The following RAB7A variants were observed in gnomAD, a reference collection of about 807,000 sequenced individuals.
RAB7A encodes ras-related protein Rab-7a.
In RAB7A, 2 loss-of-function variants were observed where a neutral mutation model predicts 24.5. The ratio of observed to expected loss-of-function variants is 0.08; its 90% CI spans 0.03 to 0.26. The LOEUF is 0.26. RAB7A is among the 10% of genes least tolerant of loss of function. The pLI is 1.00. For missense variants in RAB7A, 118 were observed against 255.7 expected, an observed-to-expected ratio of 0.46 and a Z score of 3.67; for synonymous variants, 100 against 95.9, an observed-to-expected ratio of 1.04 and a Z score of -0.25.
intron 3 of RAB7A, among the ~76,000 whole-genome samples, chr3:128,804,114 G>GCCCCCCCCCCCC (rs200546571): frequency 1.4e-5 from 2 of 146,878 alleles, no homozygotes; most frequent in African/African-American, 5.2e-5. Flanking sequence ...ACCTCCCTGG[G>GCCCCCCCCCCCC]CCCCCCCCCG....
At chr3:128,785,185 C>G (rs1034027317) in intron 1 of RAB7A, 1 of 152,022 alleles carries the variant, frequency 6.6e-6, no homozygotes, top group Admixed American at 6.6e-5. Context: ...CCCAGCCACT[C>G]AGGAGGCTGA....
chr3:128,774,185 TAAA>T (rs34234745), intron 1 of RAB7A, among the ~76,000 whole-genome samples: 2 of 115,070 alleles, frequency 1.7e-5, no homozygotes, highest in African/African-American at 2.9e-5. Context: ...ATGTATTAAC[TAAA>T]AAAAAAAAAA....
Position 128,743,016 on chromosome 3 carries a change from C to T in RAB7A, c.-9+16657C>T, listed in dbSNP as rs529642200. Among the ~76,000 whole-genome samples the T allele has an allele frequency of 4.7e-4, 71 of 152,306 alleles. 1 individual carries two copies. In the South Asian group the frequency reaches 0.014, roughly 31 times the overall value. On this transcript the variant is annotated intron_variant, in intron 1 of 5. Coordinates refer to ENST00000265062, the MANE Select transcript of RAB7A (RefSeq NM_004637.6). ...GGGAGGCTCGGGCTTCACGGGAGCCCACCGCAGGAGGGCTCGGGCATGGCG... is the reference window on the plus strand; with the variant it reads ...GGGAGGCTCGGGCTTCACGGGAGCCTACCGCAGGAGGGCTCGGGCATGGCG...
At chr3:128,812,199 T>A (rs535018901) in intron 5 of RAB7A, among the ~76,000 whole-genome samples, 1 of 152,192 alleles carries the variant, frequency 6.6e-6, no homozygotes, top group Non-Finnish European at 1.5e-5. Flanking sequence ...ACTGCAACCT[T>A]GACCTCCCGG....
chr3:128,804,114 GC>G (rs200546571), intron 3 of RAB7A, among the ~76,000 whole-genome samples: 130 of 146,958 alleles, frequency 8.8e-4, no homozygotes, highest in Admixed American at 1.2e-3. Context: ...ACCTCCCTGG[GC>G]CCCCCCCCGC....
At chr3:128,774,952 T>C (rs144936229) in intron 1 of RAB7A, among the ~76,000 whole-genome samples, 134 of 152,282 alleles carry the variant, frequency 8.8e-4, no homozygotes, top group African/African-American at 3.1e-3. Context: ...GGCTAATTTT[T>C]GTATTTTTAG....
chr3:128,793,181 G>A (rs1295335264), intron 1 of RAB7A, among the ~76,000 whole-genome samples: 3 of 146,560 alleles, frequency 2.0e-5, no homozygotes, highest in South Asian at 2.2e-4. Context: ...ATGCCACCAC[G>A]CCCAGCTAAT....
In RAB7A at chr3:128,813,557, T is replaced by A. The variant is rs929951784; in HGVS notation, c.*135T>A. On this transcript the variant is annotated 3_prime_UTR_variant, in exon 6 of 6. Transcript: ENST00000265062. ...ATCCAGCTGCCAAAAGAAAACCCCA[T>A]CAAACACAGTTACACCCCACATATC... 1.3e-6 allele frequency: 1 copy of A among 774,012 alleles called. No individual in the cohort carries two copies. Among genetic ancestry groups the A allele is most frequent in the South Asian group, 1.4e-5 (1 of 70,354 alleles). 47.9% of individuals were successfully genotyped at this position (774,012 alleles called of 1,614,324 possible).
intron 3 of RAB7A, among the ~76,000 whole-genome samples, chr3:128,805,873 A>G (rs1035527273): frequency 1.1e-4 from 16 of 152,108 alleles, no homozygotes; most frequent in Admixed American, 9.2e-4. Context: ...GCTGGTCTCA[A>G]ACTCCTGACC....
chr3:128,736,337 T>A (rs1170567089), intron 1 of RAB7A, among the ~76,000 whole-genome samples: 1 of 152,174 alleles, frequency 6.6e-6, no homozygotes, highest in Non-Finnish European at 1.5e-5. Context: ...ATTTTATCAT[T>A]CAGTTTTATT....
intron 1 of RAB7A, among the ~76,000 whole-genome samples, chr3:128,747,527 A>G (rs1266950623): frequency 6.6e-6 from 1 of 151,344 alleles, no homozygotes; most frequent in Non-Finnish European, 1.5e-5. Context: ...CGGAGGTTGC[A>G]GTGAGCCGAG....
chr3:128,795,709 T>C (rs2107611063), intron 2 of RAB7A, among the ~76,000 whole-genome samples: 1 of 149,478 alleles, frequency 6.7e-6, no homozygotes, highest in East Asian at 2.0e-4. Flanking sequence ...GAGTCTTCCT[T>C]ACGTAGATGT....
At chr3:128,793,579 A>G (rs759865832) in intron 1 of RAB7A, among the ~76,000 whole-genome samples, 1 of 152,174 alleles carries the variant, frequency 6.6e-6, no homozygotes, top group African/African-American at 2.4e-5. Flanking sequence ...CATTATCATC[A>G]TCTGATCTCT....
At chr3:128,779,723 C>A (rs1436456858) in intron 1 of RAB7A, among the ~76,000 whole-genome samples, 1 of 152,104 alleles carries the variant, frequency 6.6e-6, no homozygotes, top group East Asian at 1.9e-4. Context: ...TCCTGAGTAG[C>A]TGGGAGTAGG....
At chr3:128,772,710 A>G (rs1045198662) in intron 1 of RAB7A, among the ~76,000 whole-genome samples, 7 of 152,376 alleles carry the variant, frequency 4.6e-5, no homozygotes, top group Non-Finnish European at 1.0e-4. Context: ...AGACTCAATT[A>G]AGGGTTTAAA....
chr3:128,796,850 G>A (rs1315622391), intron 2 of RAB7A, among the ~76,000 whole-genome samples: 4 of 152,090 alleles, frequency 2.6e-5, no homozygotes, highest in Admixed American at 6.5e-5. Context: ...TTTTTATAGA[G>A]ACAGGGTTCT....
chr3:128,741,034 G>T (rs954694588), intron 1 of RAB7A, among the ~76,000 whole-genome samples: 2 of 150,342 alleles, frequency 1.3e-5, no homozygotes, highest in African/African-American at 2.4e-5. Flanking sequence ...AATAAATGTA[G>T]AAAAAATATT....
At chr3:128,807,491 A>G in intron 4 of RAB7A, 52 bp from the exon 5 acceptor site, 9 of 1,612,378 alleles carry the variant, frequency 5.6e-6, no homozygotes, top group South Asian at 2.2e-5. Flanking sequence ...GGATGGAGTC[A>G]GTGCTGGCTG....
intron 1 of RAB7A, among the ~76,000 whole-genome samples, chr3:128,737,825 GTTTTTTTTTT>G (rs56027163): frequency 1.7e-3 from 100 of 59,488 alleles, no homozygotes; most frequent in East Asian, 3.6e-3. Flanking sequence ...TTTTTTTGTA[GTTTTTTTTTT>G]TTTTTTTTTT....
Sources: gnomAD v4.1 joint callset for allele counts (sites outside exome capture counted in the v4.1 genomes callset) on GRCh38, gnomAD v4.1.1 for gene constraint, MANE v1.5 for transcripts, NCBI Gene and HGNC (gene_info 2026-07-23, HGNC 2026-07-21) for gene names.